Variants in GRHL1 observed in about 807,000 individuals in gnomAD.
GRHL1 encodes the protein grainyhead-like protein 1 homolog.
Under a neutral mutation model 75.7 loss-of-function variants are expected in GRHL1, and 38 were observed. The observed-to-expected ratio is 0.50, with a 90% CI of 0.39 to 0.66. The LOEUF (loss-of-function observed/expected upper bound fraction) is 0.66. GRHL1 is among the 30% of genes least tolerant of loss of function. The pLI, the probability that GRHL1 is intolerant of heterozygous loss-of-function variation, is 0.00. For missense variants in GRHL1, 589 were observed against 767.5 expected, an observed-to-expected ratio of 0.77 and a Z score of 2.75; for synonymous variants, 266 against 279.4, an observed-to-expected ratio of 0.95 and a Z score of 0.48.
At position 9,993,202 on chromosome 2, in the gene GRHL1, C is replaced by T; in HGVS notation, c.1462-5C>T. 1 of 1,603,856 alleles carries T rather than the reference C, an allele frequency of 6.2e-7. No individual in the cohort carries two copies. The highest frequency in any genetic ancestry group is 8.5e-7 in the Non-Finnish European group (1 of 1,170,634). On this transcript the variant is annotated splice_region_variant and splice_polypyrimidine_tract_variant and intron_variant, in intron 11 of 15. Transcript: ENST00000324907. ...TTGAAAAGCAATCTATTCCTTTGGT[C>T]TTAGGTCCTTCCCATTGCCTCTGAA...
In GRHL1 at chr2:9,962,204, G is replaced by A. The variant is rs139555930; in HGVS notation, c.670-251G>A. Among the ~76,000 whole-genome samples, 269 of 152,286 alleles carry A rather than the reference G, an allele frequency of 1.8e-3. 1 individual carries two copies. Among genetic ancestry groups the A allele is most frequent in the Middle Eastern group, 3.4e-3 (1 of 294 alleles). ...TGTGTGAAAGACAGAAAAGGGGGTC[G>A]TGAGTCAGAAGCACTTAGTGGGAGT... On this transcript the variant is annotated intron_variant, in intron 4 of 15. Transcript: ENST00000324907.
intron 6 of GRHL1, 83 bp from the exon 7 acceptor site, chr2:9,964,152 C>T (rs1667390594): frequency 2.3e-6 from 3 of 1,324,002 alleles, no homozygotes; most frequent in Non-Finnish European, 3.2e-6. Context: ...TAAGCCTTCA[C>T]TGTAAAATAT....
At chr2:9,994,625 G>T (rs562875892) in intron 12 of GRHL1, among the ~76,000 whole-genome samples, 1 of 151,984 alleles carries the variant, frequency 6.6e-6, no homozygotes, top group East Asian at 1.9e-4. Context: ...GAGTCCTGCC[G>T]GCACTTTCAC....
intron 14 of GRHL1, among the ~76,000 whole-genome samples, chr2:9,997,786 G>A (rs1439830086): frequency 6.6e-6 from 1 of 150,528 alleles, no homozygotes; most frequent in Non-Finnish European, 1.5e-5. Flanking sequence ...TCCCGCCACT[G>A]TACTCCAGCC....
At chr2:9,961,470 G>A in intron 4 of GRHL1, 34 bp downstream of exon 4, 3 of 1,562,556 alleles carry the variant, frequency 1.9e-6, no homozygotes, top group Non-Finnish European at 2.6e-6. Context: ...TAAGACGCCT[G>A]CGTGTTTGTA....
intron 2 of GRHL1, among the ~76,000 whole-genome samples, chr2:9,957,413 A>ATTT (rs56139145): frequency 1.2e-4 from 17 of 143,382 alleles, no homozygotes; most frequent in Admixed American, 4.2e-4. Flanking sequence ...ATGAAGCAGT[A>ATTT]TTTTTTTTTT....
chr2:9,958,214 A>G (rs1667118263), intron 2 of GRHL1, among the ~76,000 whole-genome samples: 1 of 136,112 alleles, frequency 7.3e-6, no homozygotes, highest in Non-Finnish European at 1.5e-5. Context: ...GTCTTGCTCT[A>G]TCGCCCAGGC....
At chr2:9,962,890 G>A (rs779368803) in intron 5 of GRHL1, among the ~76,000 whole-genome samples, 17 of 151,844 alleles carry the variant, frequency 1.1e-4, no homozygotes, top group Admixed American at 2.6e-4. Flanking sequence ...GTAATATCAA[G>A]TGATAAAAGC....
Position 9,998,823 on chromosome 2 carries a change from CACATATATATATACGTATATATATGT to C in GRHL1, c.1678-138_1678-113del, listed in dbSNP as rs1481672949. The C allele has an allele frequency of 1.0e-4, 10 of 95,930 alleles. 3 individuals are homozygous for C. Among genetic ancestry groups the C allele is most frequent in the African/African-American group, 2.1e-4 (2 of 9,454 alleles). The allele number at this position is 95,930 out of a possible 1,614,324, so 5.9% of individuals were successfully genotyped here. A position where few individuals can be genotyped will look rare whatever the true frequency, so the allele number is the denominator to read the frequency against. ...ACATATATATACGTATATATATGTA[CACATATATATATACGTATATATATGT>C]ACACATATATATACGTATATATATG... On this transcript the variant is annotated intron_variant, in intron 14 of 15. Coordinates refer to ENST00000324907, the MANE Select transcript of GRHL1 (RefSeq NM_198182.3).
chr2:9,986,315 T>C lies in GRHL1; in HGVS notation c.1269+33T>C, dbSNP rs959011259. The stretch of plus-strand genomic sequence containing the variant: ...CGGCAGGGATGCTTGGAACAAGTGT[T>C]TGAGACACACTCATGGAAAAAGACC... On this transcript the variant is annotated intron_variant, in intron 9 of 15. Transcript: ENST00000324907. The C allele has an allele frequency of 2.6e-6, 4 of 1,566,070 alleles. No homozygotes were observed. The African/African-American group carries it at 5.5e-5, about 21-fold the overall frequency.
intron 8 of GRHL1, among the ~76,000 whole-genome samples, chr2:9,983,029 A>T (rs2125233006): frequency 6.6e-6 from 1 of 152,224 alleles, no homozygotes; most frequent in Non-Finnish European, 1.5e-5. Flanking sequence ...TGATGTTCAG[A>T]CCTAAGCGGC....
At chr2:9,959,678 TC>T (rs1427144277) in intron 3 of GRHL1, 1 of 152,246 alleles carries the variant, frequency 6.6e-6, no homozygotes, top group Non-Finnish European at 1.5e-5. Flanking sequence ...CCCACATGTA[TC>T]CATGACCAGC....
In GRHL1 at chr2:9,995,985, A is replaced by T; in HGVS notation, c.1591+15A>T. 6.9e-7 allele frequency: 1 copy of T among 1,457,898 alleles called. No homozygotes were observed. The highest frequency in any genetic ancestry group is 1.7e-4 in the Middle Eastern group (1 of 5,776). 90.3% of individuals were successfully genotyped at this position (1,457,898 alleles called of 1,614,324 possible). On this transcript the variant is annotated intron_variant, in intron 13 of 15. Transcript: ENST00000324907. ...ACCAAAGAGAGGTGTGTTCGTTTCC[A>T]TTTCTTAGTGGGAGTTTTAAATCAG...
chr2:9,977,941 A>G (rs140945869), intron 8 of GRHL1, among the ~76,000 whole-genome samples: 1,821 of 152,358 alleles, frequency 0.012, 34 homozygotes, highest in African/African-American at 0.041. Context: ...GGAGGCCTCA[A>G]AATCATGGCG....
chr2:9,970,017 G>C (rs540714678), intron 8 of GRHL1, among the ~76,000 whole-genome samples: 1 of 152,082 alleles, frequency 6.6e-6, no homozygotes, highest in East Asian at 1.9e-4. Context: ...TAATTTTTTT[G>C]TATTTTTAGT....
intron 5 of GRHL1, among the ~76,000 whole-genome samples, 183 bp from the exon 6 acceptor site, chr2:9,963,703 T>C (rs769904462): frequency 2.6e-5 from 4 of 152,312 alleles, no homozygotes; most frequent in Non-Finnish European, 1.5e-5. Flanking sequence ...CATCACATCA[T>C]AGAATTTTTA....
chr2:9,996,670 G>T (rs1668874761), intron 14 of GRHL1, among the ~76,000 whole-genome samples: 1 of 152,202 alleles, frequency 6.6e-6, no homozygotes, highest in Admixed American at 6.5e-5. Flanking sequence ...GTTAAAGGGA[G>T]ATTGCCATTT....
chr2:9,958,185 T>C (rs946542712), intron 2 of GRHL1, among the ~76,000 whole-genome samples: 1 of 150,924 alleles, frequency 6.6e-6, no homozygotes, highest in Non-Finnish European at 1.5e-5. Context: ...TTTTTTTTTT[T>C]TTTTTTGAGT....
rs1305474599 is a variant in GRHL1, at chr2:9,992,702, G to A, written c.1462-505G>A. ...AGAATGAAGCATGGTTTTATGCTGAGTGCAAATAAATATCAAAAAGACAGT... is the reference window on the plus strand; with the variant it reads ...AGAATGAAGCATGGTTTTATGCTGAATGCAAATAAATATCAAAAAGACAGT... On this transcript the variant is annotated intron_variant, in intron 11 of 15. Coordinates refer to ENST00000324907, the MANE Select transcript of GRHL1 (RefSeq NM_198182.3). This position sits in a 1 kb window ranked among gnomAD's most constrained non-coding sequence, Gnocchi z 4.6. 6.6e-6 allele frequency among the ~76,000 whole-genome samples: 1 copy of A among 152,204 alleles called. No individual in the cohort carries two copies. The highest frequency in any genetic ancestry group is 1.5e-5 in the Non-Finnish European group (1 of 68,024).
Sources: allele counts gnomAD v4.1 joint callset (sites outside exome capture counted in the v4.1 genomes callset), GRCh38; gene constraint gnomAD v4.1.1; non-coding constraint Gnocchi (gnomAD v3.1); transcripts MANE v1.5; gene names NCBI Gene and HGNC (gene_info 2026-07-23, HGNC 2026-07-21).